AGBL1: variants seen among roughly 807,000 people sequenced by gnomAD.
The protein encoded by AGBL1 is cytosolic carboxypeptidase 4.
A neutral mutation model predicts 118.9 loss-of-function variants in AGBL1; 130 were observed. The observed-to-expected ratio is 1.09, with a 90% CI of 0.95 to 1.26. AGBL1 has a LOEUF of 1.26. Among genes scored for constraint, AGBL1 ranks in the 50% most tolerant of loss-of-function variants. The probability of loss-of-function intolerance (pLI) is 0.00; values close to 1 mark genes in which losing one functional copy is unlikely to be tolerated. For synonymous variants in AGBL1, 555 were observed against 478.9 expected, an observed-to-expected ratio of 1.16 and a Z score of -2.08; for missense variants, 1,584 against 1,298.1, an observed-to-expected ratio of 1.22 and a Z score of -3.38.
At chr15:86,666,478 A>G (rs1486703026) in intron 21 of AGBL1, among the ~76,000 whole-genome samples, 1 of 152,136 alleles carries the variant, frequency 6.6e-6, no homozygotes, top group African/African-American at 2.4e-5. Flanking sequence ...TCAAATGAAG[A>G]TAATGTGATT....
chr15:86,540,919 T>A (rs757552702), intron 19 of AGBL1, among the ~76,000 whole-genome samples: 5 of 152,170 alleles, frequency 3.3e-5, no homozygotes, highest in Non-Finnish European at 7.3e-5. Context: ...CTCTATAATT[T>A]GTCGTTTACT....
chr15:86,736,414 C>G (rs1316462277), intron 22 of AGBL1, among the ~76,000 whole-genome samples: 1 of 152,018 alleles, frequency 6.6e-6, no homozygotes, highest in Non-Finnish European at 1.5e-5. Flanking sequence ...CTATATTATG[C>G]TAGATACTCT....
At chr15:86,990,660 A>G (rs572967556) in intron 24 of AGBL1, among the ~76,000 whole-genome samples, 1 of 152,366 alleles carries the variant, frequency 6.6e-6, no homozygotes, top group East Asian at 1.9e-4. Context: ...CAACAGGTAG[A>G]TACTATTATG....
chr15:86,529,955 G>A (rs199719460), intron 19 of AGBL1, among the ~76,000 whole-genome samples: 1 of 138,032 alleles, frequency 7.2e-6, no homozygotes, highest in Non-Finnish European at 1.5e-5. Flanking sequence ...GCTCCTGAAG[G>A]AAGTGCTAAA....
intron 17 of AGBL1, among the ~76,000 whole-genome samples, chr15:86,380,074 C>A (rs1431302830): frequency 6.6e-6 from 1 of 152,128 alleles, no homozygotes; most frequent in South Asian, 2.1e-4. Context: ...AGAGGGATGT[C>A]GTTAGGCTTG....
chr15:86,940,557 A>G (rs577738135), intron 23 of AGBL1, among the ~76,000 whole-genome samples: 19 of 152,296 alleles, frequency 1.2e-4, no homozygotes, highest in African/African-American at 3.8e-4. Flanking sequence ...TAAAAATTAT[A>G]GAAGGAAATT....
At chr15:86,598,541 A>G (rs1325859207) in intron 21 of AGBL1, among the ~76,000 whole-genome samples, 1 of 152,144 alleles carries the variant, frequency 6.6e-6, no homozygotes, top group African/African-American at 2.4e-5. Flanking sequence ...GCAATTGTCC[A>G]TCACTATTCT....
chr15:86,555,298 A>C (rs1395223868), intron 21 of AGBL1, among the ~76,000 whole-genome samples: 1 of 152,162 alleles, frequency 6.6e-6, no homozygotes, highest in Admixed American at 6.6e-5. Context: ...ACTTCCATTC[A>C]ACCCTAAGAA....
Position 86,985,934 on chromosome 15 carries a change from T to A in AGBL1, c.3222-2053T>A, listed in dbSNP as rs1180430906. On this transcript the variant is annotated intron_variant, in intron 23 of 24. Transcript: ENST00000441037. ...TATGGATAGCAATCTTTTTTTTTTT[T>A]TTTTTTTGAGACAGAGTTTCCCTCT... is the stretch of plus-strand genomic sequence containing the variant. 0.024 allele frequency among the ~76,000 whole-genome samples: 170 copies of A among 7,148 alleles called. 3 individuals are homozygous for A. In the East Asian group the frequency reaches 0.4, roughly 17 times the overall value. 4.7% of individuals were successfully genotyped at this position (7,148 alleles called of 152,430 possible). A position where few individuals can be genotyped will look rare whatever the true frequency, so the allele number is the denominator to read the frequency against.
intron 16 of AGBL1, among the ~76,000 whole-genome samples, chr15:86,286,568 T>C (rs1337079401): frequency 6.6e-6 from 1 of 151,868 alleles, no homozygotes; most frequent in East Asian, 1.9e-4. Flanking sequence ...AGGTGGTTAT[T>C]TGTCTCTCTG....
chr15:86,814,866 C>T lies in AGBL1; in HGVS notation c.3159-92221C>T, dbSNP rs1013353144. On this transcript the variant is annotated intron_variant, in intron 22 of 22. Transcript: ENST00000614907. ...GTAAAGTAGAGGTTAAAAATACCTACTATGTTCTTGTGGAAATTGCCTGAC... is the reference window on the plus strand; with the variant it reads ...GTAAAGTAGAGGTTAAAAATACCTATTATGTTCTTGTGGAAATTGCCTGAC... Among the ~76,000 whole-genome samples the T allele has an allele frequency of 2.0e-5, 3 of 152,178 alleles. No individual in the cohort carries two copies. The South Asian group carries it at 6.2e-4, about 31-fold the overall frequency.
intron 21 of AGBL1, among the ~76,000 whole-genome samples, chr15:86,635,511 A>G (rs1466880511): frequency 6.6e-6 from 1 of 151,634 alleles, no homozygotes. Context: ...TTTGAAGGCT[A>G]ATGTAACAGA....
chr15:86,828,014 A>ACTG (rs1487884909), intron 22 of AGBL1, among the ~76,000 whole-genome samples: 7 of 130,760 alleles, frequency 5.4e-5, no homozygotes, highest in Non-Finnish European at 3.1e-5. Context: ...GATCATAGTC[A>ACTG]CTGCAACCTT....
intron 17 of AGBL1, among the ~76,000 whole-genome samples, chr15:86,326,932 T>C (rs886420133): frequency 3.3e-5 from 5 of 151,722 alleles, no homozygotes; most frequent in South Asian, 4.2e-4. Context: ...CTTTTTCTTT[T>C]TTTTTTTTTT....
chr15:86,124,800 G>T (rs558030176), intron 1 of AGBL1, among the ~76,000 whole-genome samples: 31 of 152,280 alleles, frequency 2.0e-4, no homozygotes, highest in South Asian at 2.1e-4. Context: ...ACAAACAGAA[G>T]AAGGTTGTAA....
At chr15:86,163,926 A>G (rs1420255324) in intron 5 of AGBL1, among the ~76,000 whole-genome samples, 1 of 152,142 alleles carries the variant, frequency 6.6e-6, no homozygotes, top group Non-Finnish European at 1.5e-5. Flanking sequence ...GCCCCATCCA[A>G]ACATGTCTGA....
chr15:86,776,007 C>T (rs2078250455), intron 22 of AGBL1, among the ~76,000 whole-genome samples: 1 of 152,096 alleles, frequency 6.6e-6, no homozygotes, highest in South Asian at 2.1e-4. Flanking sequence ...CCACAAACAA[C>T]ACATAGTTTC....
intron 22 of AGBL1, among the ~76,000 whole-genome samples, chr15:86,822,122 A>G (rs143020672): frequency 0.012 from 1,808 of 152,306 alleles, 24 homozygotes; most frequent in Middle Eastern, 0.061. Flanking sequence ...CTTGTGACCA[A>G]TAAAAAATGG....
intron 17 of AGBL1, among the ~76,000 whole-genome samples, chr15:86,297,646 A>G (rs761380284): frequency 2.0e-5 from 3 of 152,072 alleles, no homozygotes; most frequent in Non-Finnish European, 2.9e-5. Flanking sequence ...GGTTTAACCT[A>G]TTTTTCCCAC....
Sources: gnomAD v4.1 joint callset for allele counts (sites outside exome capture counted in the v4.1 genomes callset) on GRCh38, gnomAD v4.1.1 for gene constraint, MANE v1.5 for transcripts, NCBI Gene and HGNC (gene_info 2026-07-23, HGNC 2026-07-21) for gene names.